The following SCNN1B variants were observed in gnomAD, a reference collection of about 807,000 sequenced individuals.
SCNN1B encodes epithelial sodium channel subunit beta.
Under a neutral mutation model 65.3 loss-of-function variants are expected in SCNN1B, and 46 were observed. The observed-to-expected ratio is 0.70, with a 90% CI of 0.56 to 0.90. The LOEUF is 0.90. SCNN1B is among the 40% of genes least tolerant of loss of function. The pLI, the probability that SCNN1B is intolerant of heterozygous loss-of-function variation, is 0.00. For synonymous variants in SCNN1B, 349 were observed against 330.6 expected (o/e 1.06, Z -0.60); for missense variants, 751 against 830.5 (o/e 0.90, Z 1.18).
chr16:23,313,276 T>G (rs1961382730), intron 1 of SCNN1B, among the ~76,000 whole-genome samples: 1 of 152,096 alleles, frequency 6.6e-6, no homozygotes, highest in Non-Finnish European at 1.5e-5. Context: ...TCTGGTCCCC[T>G]CCCCATCTTC....
At chr16:23,286,947 GT>G (rs1317759657) in intron 2 of SCNN1B, among the ~76,000 whole-genome samples, 1 of 151,574 alleles carries the variant, frequency 6.6e-6, no homozygotes, top group Admixed American at 6.6e-5. Flanking sequence ...ATTTTATTTA[GT>G]TTTTTGTTGT....
intron 5 of SCNN1B, among the ~76,000 whole-genome samples, chr16:23,368,235 C>T (rs373853634): frequency 6.6e-6 from 1 of 152,108 alleles, no homozygotes; most frequent in Non-Finnish European, 1.5e-5. Context: ...AGCACAGCTT[C>T]GTGGTCAAGA....
chr16:23,377,333 A>T lies in SCNN1B; in HGVS notation c.1351A>T (p.Thr451Ser), dbSNP rs776497832. Residue 451 changes from threonine (T) to serine (S), a missense_variant, in exon 10 of 13, where the codon ACC becomes TCC. By Grantham distance (58) the Thr-to-Ser change is moderately conservative. Coordinates refer to ENST00000343070, the MANE Select transcript of SCNN1B (RefSeq NM_000336.3). The stretch of plus-strand genomic sequence containing the variant: ...AGGCCTGGCCTTCTCTTTCAGTGAC[A>T]CCCAGTACAAGATGACCATCTCCAT... ...IGMCKESCND[T>S]QYKMTISMAD... The T allele has an allele frequency of 5.0e-6, 8 of 1,614,148 alleles. No individual in the cohort carries two copies. Among genetic ancestry groups the T allele is most frequent in the Non-Finnish European group, 6.8e-6 (8 of 1,180,020 alleles).
At chr16:23,325,491 C>T (rs55925472) in intron 1 of SCNN1B, among the ~76,000 whole-genome samples, 4,103 of 150,548 alleles carry the variant, frequency 0.027, 94 homozygotes, top group Non-Finnish European at 0.036. Flanking sequence ...GGTCTCAAAC[C>T]TTTGACCTCA....
At chr16:23,296,059 C>G (rs1027824084) in intron 2 of SCNN1B, among the ~76,000 whole-genome samples, 1 of 152,186 alleles carries the variant, frequency 6.6e-6, no homozygotes, top group African/African-American at 2.4e-5. Context: ...AACTGCCAAG[C>G]TTGGTAGTGG....
chr16:23,351,414 A>G, intron 2 of SCNN1B, among the ~76,000 whole-genome samples: 1 of 152,192 alleles, frequency 6.6e-6, no homozygotes, highest in East Asian at 1.9e-4. Context: ...ACAGTGACCC[A>G]TCAAGCTTCC....
In SCNN1B at chr16:23,322,466, AT is replaced by A. The variant is rs536445398; in HGVS notation, c.-9+20040del. On this transcript the variant is annotated intron_variant, in intron 1 of 12. Transcript: ENST00000343070. ...AGGTGCACACCACCATGCTTGGCTA[AT>A]TTTTTTTTTTAATTTATATGTTTTG... 8.3e-3 allele frequency among the ~76,000 whole-genome samples: 1,230 copies of A among 147,788 alleles called. 11 individuals are homozygous for A. Among genetic ancestry groups the A allele is most frequent in the Middle Eastern group, 0.034 (10 of 294 alleles).
chr16:23,365,480 G>GA (rs1032610108), intron 4 of SCNN1B, among the ~76,000 whole-genome samples: 33 of 106,764 alleles, frequency 3.1e-4, no homozygotes, highest in Non-Finnish European at 3.8e-4. Context: ...AAGAGAGAAA[G>GA]AAAAAGAAGA....
chr16:23,291,073 T>G (rs1374616569), intron 2 of SCNN1B, among the ~76,000 whole-genome samples: 1 of 151,782 alleles, frequency 6.6e-6, no homozygotes, highest in East Asian at 1.9e-4. Flanking sequence ...TTTTTCTTTT[T>G]TTTTTTTTGG....
chr16:23,340,047 T>C (rs1453462850), intron 1 of SCNN1B, among the ~76,000 whole-genome samples: 1 of 152,204 alleles, frequency 6.6e-6, no homozygotes, highest in Non-Finnish European at 1.5e-5. Context: ...ATTTCTCCAG[T>C]GACTAATGAT....
At chr16:23,314,590 G>A (rs1354605374) in intron 1 of SCNN1B, among the ~76,000 whole-genome samples, 6 of 152,148 alleles carry the variant, frequency 3.9e-5, no homozygotes, top group Admixed American at 3.9e-4. Flanking sequence ...CAGCTTCTTG[G>A]TGTCGTCTGA....
chr16:23,329,813 C>T (rs969981435), intron 1 of SCNN1B, among the ~76,000 whole-genome samples: 1 of 152,138 alleles, frequency 6.6e-6, no homozygotes, highest in Non-Finnish European at 1.5e-5. Flanking sequence ...AGGCTTTCTT[C>T]TTTTGAAAAT....
rs536101297 is a variant in SCNN1B at position 23,365,724 on chromosome 16, C to T, written c.777-2132C>T. Among the ~76,000 whole-genome samples, 6 of 152,326 alleles carry T rather than the reference C, an allele frequency of 3.9e-5. No individual in the cohort carries two copies. In the South Asian group the frequency reaches 1.2e-3, roughly 32 times the overall value. ...CAAAAGGCAGCCCTGTCTTGTTTTGCTCAGTGTCCCTAGCCTAGCACCCAC... is the reference window on the plus strand; with the variant it reads ...CAAAAGGCAGCCCTGTCTTGTTTTGTTCAGTGTCCCTAGCCTAGCACCCAC... On this transcript the variant is annotated intron_variant, in intron 4 of 12. Transcript: ENST00000343070.
chr16:23,283,380 C>A (rs1012661964), intron 1 of SCNN1B, among the ~76,000 whole-genome samples: 1 of 152,212 alleles, frequency 6.6e-6, no homozygotes, highest in African/African-American at 2.4e-5. Context: ...CACTGCACTC[C>A]AGCCTAGGCA....
intron 7 of SCNN1B, 38 bp from the exon 8 acceptor site, chr16:23,375,700 C>A: frequency 1.4e-6 from 2 of 1,400,294 alleles, no homozygotes; most frequent in Non-Finnish European, 2.0e-6. Context: ...ACTGACCATG[C>A]CTGTGTTCTC....
rs370092014 is a variant in SCNN1B, at chr16:23,330,952, A to G, written c.-8-17640A>G. Among the ~76,000 whole-genome samples the G allele has an allele frequency of 7.9e-5, 12 of 152,290 alleles. No homozygotes were observed. The South Asian group carries it at 2.3e-3, about 29-fold the overall frequency. ...ATGGCTTCACATCTGGAGACCAGAC[A>G]AGGTTTTCCAAGGACCCTGGCACAT... On this transcript the variant is annotated intron_variant, in intron 1 of 12. Transcript: ENST00000343070.
intron 1 of SCNN1B, among the ~76,000 whole-genome samples, chr16:23,346,477 C>T (rs1421765102): frequency 6.6e-6 from 1 of 152,058 alleles, no homozygotes; most frequent in East Asian, 1.9e-4. Flanking sequence ...CTGCCTCAGC[C>T]TCCCAAAGTG....
upstream of SCNN1B, among the ~76,000 whole-genome samples, chr16:23,301,972 C>T (rs1273865875): frequency 6.6e-6 from 1 of 152,048 alleles, no homozygotes; most frequent in Non-Finnish European, 1.5e-5. Context: ...GACAGGTACA[C>T]GCGTGGGGTG....
chr16:23,365,246 C>T (rs1020094097), intron 4 of SCNN1B, among the ~76,000 whole-genome samples: 51 of 151,544 alleles, frequency 3.4e-4, no homozygotes, highest in African/African-American at 1.2e-3. Context: ...GAACCAATAT[C>T]ACGCCATTGC....
Sources: allele counts gnomAD v4.1 joint callset (sites outside exome capture counted in the v4.1 genomes callset), GRCh38; gene constraint gnomAD v4.1.1; transcripts MANE v1.5; gene names NCBI Gene and HGNC (gene_info 2026-07-23, HGNC 2026-07-21).